Variants in UNC13B observed in about 807,000 individuals in gnomAD.
UNC13B encodes the protein unc-13 homolog B.
In UNC13B, 144 loss-of-function variants were observed where a neutral mutation model predicts 211.0. The ratio of observed to expected loss-of-function variants is 0.68; its 90% CI spans 0.60 to 0.78. The LOEUF is 0.78. Ranked by LOEUF, UNC13B falls within the 30% of genes least tolerant of loss-of-function variation. The pLI, the probability that UNC13B is intolerant of heterozygous loss-of-function variation, is 0.00. For synonymous variants in UNC13B, 709 were observed against 725.8 expected (o/e 0.98, Z 0.37); for missense variants, 1,777 against 2,002.0 (o/e 0.89, Z 2.14).
chr9:35,233,028 T>C (rs1825301169), intron 3 of UNC13B, among the ~76,000 whole-genome samples: 1 of 152,184 alleles, frequency 6.6e-6, no homozygotes, highest in South Asian at 2.1e-4. Context: ...CACTGGTTGC[T>C]TCTCTCTCAA....
intron 7 of UNC13B, among the ~76,000 whole-genome samples, chr9:35,282,000 G>A (rs527948665): frequency 6.6e-6 from 1 of 152,288 alleles, no homozygotes; most frequent in East Asian, 1.9e-4. Context: ...GGGCTTGAAT[G>A]CCATAGCAAG....
chr9:35,371,349 C>CTTTTTTTTTTT (rs751513784), intron 13 of UNC13B, among the ~76,000 whole-genome samples: 2 of 138,834 alleles, frequency 1.4e-5, no homozygotes, highest in African/African-American at 2.6e-5. Context: ...TTCTTTCTTT[C>CTTTTTTTTTTT]TTTTTTTTTT....
Position 35,386,177 on chromosome 9 carries a change from C to G in UNC13B, c.10978C>G (p.Gln3660Glu), listed in dbSNP as rs1192009538. Residue 3660 changes from glutamine (Q) to glutamate (E), a missense_variant, in exon 24 of 40, where the codon CAA becomes GAA. Gln to Glu is a conservative substitution (Grantham distance 29, BLOSUM62 2). Transcript: ENST00000635942. ...TFFRMKVQEL[Q>E]SPPRASQVVK... is the part of the protein sequence containing the mutation. ...TTTTAATTGGCAGGTACAAGAACTGCAAAGCCCTCCAAGAGCCAGCCAGGT... is the reference window on the plus strand; with the variant it reads ...TTTTAATTGGCAGGTACAAGAACTGGAAAGCCCTCCAAGAGCCAGCCAGGT... 1.2e-6 allele frequency: 2 copies of G among 1,614,124 alleles called. No homozygotes were observed. The highest frequency in any genetic ancestry group is 3.3e-5 in the Admixed American group (2 of 60,022).
At chr9:35,398,854 A>G in intron 32 of UNC13B, 28 bp from the exon 33 acceptor site, 1 of 1,603,110 alleles carries the variant, frequency 6.2e-7, no homozygotes, top group Non-Finnish European at 8.5e-7. Flanking sequence ...TTGGGGAGGG[A>G]AAGGCTACAC....
chr9:35,379,260 C>A (rs1306029333), intron 17 of UNC13B, among the ~76,000 whole-genome samples: 1 of 152,056 alleles, frequency 6.6e-6, no homozygotes, highest in Non-Finnish European at 1.5e-5. Context: ...CCAGACTGGC[C>A]AACATGGCAA....
intron 11 of UNC13B, chr9:35,361,170 T>C (rs148127920): frequency 2.0e-4 from 30 of 152,320 alleles, no homozygotes; most frequent in African/African-American, 6.7e-4. Context: ...TGAGGAGGTA[T>C]GTCACTTCCT....
chr9:35,278,172 G>C (rs942549768), intron 7 of UNC13B, among the ~76,000 whole-genome samples: 1 of 152,154 alleles, frequency 6.6e-6, no homozygotes, highest in African/African-American at 2.4e-5. Context: ...TCTTGTTGTT[G>C]TTGGCCTTCA....
intron 7 of UNC13B, among the ~76,000 whole-genome samples, chr9:35,264,961 G>C (rs753120180): frequency 1.3e-5 from 2 of 152,160 alleles, no homozygotes; most frequent in Non-Finnish European, 2.9e-5. Flanking sequence ...CAGGTTTATA[G>C]CTGGAAATGC....
chr9:35,206,048 G>A (rs1389341667), intron 1 of UNC13B, among the ~76,000 whole-genome samples: 1 of 152,082 alleles, frequency 6.6e-6, no homozygotes, highest in African/African-American at 2.4e-5. Flanking sequence ...GCTGGGCATA[G>A]TGGCACATGC....
chr9:35,309,227 G>C (rs1830068606), intron 9 of UNC13B, among the ~76,000 whole-genome samples: 1 of 3,982 alleles, frequency 2.5e-4, no homozygotes, highest in Non-Finnish European at 1.2e-3. Context: ...GGGTCAGTGT[G>C]TGTGTGTGTG....
chr9:35,370,412 T>A lies in UNC13B; in HGVS notation c.9540+16T>A, dbSNP rs745677574. ...CAGTGATCTGGTGAGTGAAGACTCT[T>A]GTGCAGGCATAGGCAGTAGCCTTGG... On this transcript the variant is annotated intron_variant, in intron 13 of 39. Coordinates refer to ENST00000635942, the MANE Select transcript of UNC13B (RefSeq NM_001371189.2). 4 of 1,612,876 alleles carry A rather than the reference T, an allele frequency of 2.5e-6. No individual in the cohort carries two copies. The Admixed American group carries it at 6.7e-5, about 27-fold the overall frequency.
rs543838548 is a variant in UNC13B at position 35,319,682 on chromosome 9, A to T, written c.9414+5693A>T. Among the ~76,000 whole-genome samples, 4 of 150,570 alleles carry T rather than the reference A, an allele frequency of 2.7e-5. No homozygotes were observed. The South Asian group carries it at 6.3e-4, about 24-fold the overall frequency. On this transcript the variant is annotated intron_variant, in intron 11 of 39. Transcript: ENST00000635942. Reference sequence around the variant, plus strand: ...TTTTTTTTAATTTTATTTTTTTGAGATGGGGTCTCACTCTGTCACCCAGGC... The same window carrying T: ...TTTTTTTTAATTTTATTTTTTTGAGTTGGGGTCTCACTCTGTCACCCAGGC...
intron 12 of UNC13B, 25 bp downstream of exon 12, chr9:35,367,018 T>C (rs1833816348): frequency 6.2e-7 from 1 of 1,607,224 alleles, no homozygotes. Context: ...GCAAGGTTTC[T>C]GTGGATTTTA....
intron 11 of UNC13B, among the ~76,000 whole-genome samples, chr9:35,346,394 C>T (rs1564152680): frequency 6.6e-6 from 1 of 152,140 alleles, no homozygotes; most frequent in Non-Finnish European, 1.5e-5. Flanking sequence ...TTCCTAATCA[C>T]ATTTATTTGA....
intron 7 of UNC13B, among the ~76,000 whole-genome samples, chr9:35,289,850 G>A (rs924258916): frequency 2.0e-5 from 3 of 151,918 alleles, no homozygotes; most frequent in South Asian, 2.1e-4. Context: ...GTTGGTAGGC[G>A]CCTGTAATCC....
chr9:35,274,751 T>C (rs1305335894), intron 7 of UNC13B, among the ~76,000 whole-genome samples: 1 of 152,160 alleles, frequency 6.6e-6, no homozygotes, highest in Non-Finnish European at 1.5e-5. Flanking sequence ...AGCCATAATA[T>C]AATATGTATG....
intron 26 of UNC13B, among the ~76,000 whole-genome samples, chr9:35,394,420 A>G (rs1260795502): frequency 6.6e-6 from 1 of 152,066 alleles, no homozygotes; most frequent in East Asian, 1.9e-4. Context: ...ACATGGTGAA[A>G]CCCCAACTCT....
intron 1 of UNC13B, among the ~76,000 whole-genome samples, chr9:35,210,722 C>T (rs534403868): frequency 6.6e-6 from 1 of 151,816 alleles, no homozygotes; most frequent in Non-Finnish European, 1.5e-5. Flanking sequence ...TGGGGTTTCA[C>T]CATGTTGGCC....
chr9:35,337,223 G>T (rs1385929662), intron 11 of UNC13B, among the ~76,000 whole-genome samples: 1 of 152,156 alleles, frequency 6.6e-6, no homozygotes. Flanking sequence ...GTGGGAGGTG[G>T]TTCTGGAGGA....
Sources: gnomAD v4.1 joint callset for allele counts (sites outside exome capture counted in the v4.1 genomes callset) on GRCh38, gnomAD v4.1.1 for gene constraint, MANE v1.5 for transcripts, NCBI Gene and HGNC (gene_info 2026-07-23, HGNC 2026-07-21) for gene names.